Variants in CACNB4 observed in about 807,000 individuals in gnomAD.
The protein encoded by CACNB4 is calcium voltage-gated channel auxiliary subunit beta 4.
In CACNB4, 32 loss-of-function variants were observed where a neutral mutation model predicts 71.2. That is an observed-to-expected ratio of 0.45 (90% CI 0.34 to 0.60). CACNB4 has a LOEUF of 0.60. Among genes scored for constraint, CACNB4 ranks in the 20% least tolerant of loss-of-function variants. The pLI is 0.01. For missense variants in CACNB4, 464 were observed against 647.9 expected, an observed-to-expected ratio of 0.72 and a Z score of 3.08; for synonymous variants, 231 against 236.9, an observed-to-expected ratio of 0.97 and a Z score of 0.23.
At chr2:152,077,477 C>T (rs942818618) in intron 2 of CACNB4, among the ~76,000 whole-genome samples, 4 of 152,090 alleles carry the variant, frequency 2.6e-5, no homozygotes, top group African/African-American at 4.8e-5. Context: ...CACTTGAACC[C>T]GGGAGGCAGA....
rs549068715 is a variant in CACNB4 at position 151,992,075 on chromosome 2, C to T, written c.147+106255G>A. On this transcript the variant is annotated intron_variant, in intron 2 of 13. Transcript: ENST00000539935. The stretch of plus-strand genomic sequence containing the variant: ...GCTAGAGTACTTAATCCTCGACCCC[C>T]CTTCACCATTGGTGGAGAGGGCATT... Among the ~76,000 whole-genome samples the T allele has an allele frequency of 7.7e-4, 117 of 152,310 alleles. 1 individual carries two copies. In the South Asian group the frequency reaches 0.016, roughly 21 times the overall value.
rs148708652 is a variant in CACNB4 at position 151,903,476 on chromosome 2, G to A, written c.148-20106C>T. On this transcript the variant is annotated intron_variant, in intron 2 of 13. Transcript: ENST00000539935. ...GGAGGCTGCAGTGAGCCAAGACTGC[G>A]CCACAGCACTCCAGCCTGAGCAGCA... 9.9e-3 allele frequency among the ~76,000 whole-genome samples: 1,512 copies of A among 152,138 alleles called. 31 individuals are homozygous for A. The highest frequency in any genetic ancestry group is 0.034 in the African/African-American group (1,392 of 41,500).
intron 2 of CACNB4, among the ~76,000 whole-genome samples, chr2:151,975,239 G>A (rs1485211958): frequency 6.6e-6 from 1 of 152,232 alleles, no homozygotes; most frequent in Non-Finnish European, 1.5e-5. Flanking sequence ...TCTAGGAAAG[G>A]AGGCCTGTCC....
intron 9 of CACNB4, among the ~76,000 whole-genome samples, chr2:151,862,399 CATT>C (rs1260833870): frequency 5.3e-5 from 8 of 152,178 alleles, no homozygotes; most frequent in Non-Finnish European, 1.2e-4. Flanking sequence ...TTGCCTGTGT[CATT>C]ATGTTTATAT....
intron 5 of CACNB4, among the ~76,000 whole-genome samples, chr2:151,875,977 C>A (rs1395587336): frequency 3.0e-5 from 4 of 133,026 alleles, no homozygotes; most frequent in South Asian, 2.6e-4. Context: ...GGGGGGCTGA[C>A]TCCCCCACCT....
chr2:152,099,127 C>A, upstream of CACNB4: 1 of 603,886 alleles, frequency 1.7e-6, no homozygotes, highest in South Asian at 2.5e-5. Flanking sequence ...GCTCCAGGAC[C>A]CGCGCCGGCG....
rs138362911 is a variant in CACNB4, at chr2:152,057,785, T to C, written c.147+40545A>G. On this transcript the variant is annotated intron_variant, in intron 2 of 13. Transcript: ENST00000539935. ...AATGAGGTACACTGACAAAGTCCCA[T>C]TCTTCTCTCTAGTCTCTGCCTATGG... 8.6e-4 allele frequency among the ~76,000 whole-genome samples: 131 copies of C among 152,258 alleles called. 1 individual carries two copies. Among genetic ancestry groups the C allele is most frequent in the African/African-American group, 2.9e-3 (120 of 41,536 alleles).
chr2:151,892,403 T>TA (rs1458582486), intron 2 of CACNB4, among the ~76,000 whole-genome samples: 1 of 151,436 alleles, frequency 6.6e-6, no homozygotes, highest in Non-Finnish European at 1.5e-5. Flanking sequence ...TTCTGTCACA[T>TA]AAAAAAGAAT....
At chr2:152,080,765 G>C (rs1687320046) in intron 2 of CACNB4, among the ~76,000 whole-genome samples, 1 of 152,134 alleles carries the variant, frequency 6.6e-6, no homozygotes, top group African/African-American at 2.4e-5. Context: ...CTAGTAGGAG[G>C]TGCTTGGGTC....
At chr2:152,019,281 C>T (rs1347665347) in intron 2 of CACNB4, among the ~76,000 whole-genome samples, 1 of 152,172 alleles carries the variant, frequency 6.6e-6, no homozygotes, top group Non-Finnish European at 1.5e-5. Context: ...TTCTGATTAC[C>T]TCTATGCCTC....
intron 2 of CACNB4, among the ~76,000 whole-genome samples, chr2:151,924,310 C>T (rs1407310216): frequency 6.6e-6 from 1 of 151,632 alleles, no homozygotes; most frequent in Non-Finnish European, 1.5e-5. Flanking sequence ...GATCTCCTGA[C>T]CTCGTGATCT....
At position 151,837,506 on chromosome 2, in the gene CACNB4, A is replaced by G. The variant is rs2151309661; in HGVS notation, c.*1613T>C. 1 of 152,102 alleles carries G rather than the reference A, an allele frequency of 6.6e-6. No homozygotes were observed. The highest frequency in any genetic ancestry group is 1.9e-4 in the East Asian group (1 of 5,208). 9.4% of individuals were successfully genotyped at this position (152,102 alleles called of 1,614,324 possible). A position where few individuals can be genotyped will look rare whatever the true frequency, so the allele number is the denominator to read the frequency against. ...AAAAGAAGATACTATAAAATTAATT[A>G]TCATTATTTTCAAAAATAGGCTTCA... On this transcript the variant is annotated 3_prime_UTR_variant, in exon 14 of 14. Transcript: ENST00000539935.
intron 2 of CACNB4, among the ~76,000 whole-genome samples, chr2:151,889,500 G>A (rs1429421399): frequency 1.3e-5 from 2 of 150,726 alleles, no homozygotes; most frequent in African/African-American, 4.9e-5. Flanking sequence ...GCATTAAGTG[G>A]ACTAAGCGAT....
intron 2 of CACNB4, among the ~76,000 whole-genome samples, chr2:151,926,409 G>A (rs2099860281): frequency 1.3e-5 from 2 of 152,158 alleles, no homozygotes; most frequent in Admixed American, 6.5e-5. Context: ...GATTATGGGG[G>A]CAAAAGCCTG....
chr2:152,065,112 G>A lies in CACNB4; in HGVS notation c.147+33218C>T, dbSNP rs559436363. On this transcript the variant is annotated intron_variant, in intron 2 of 13. Coordinates refer to ENST00000539935, the MANE Select transcript of CACNB4 (RefSeq NM_000726.5). ...TGTCCCCCAACCCAAACCCAGAATA[G>A]TTCCAACTTTAAGAGAAGTTAGCAC... Among the ~76,000 whole-genome samples, 4 of 152,266 alleles carry A rather than the reference G, an allele frequency of 2.6e-5. No individual in the cohort carries two copies. In the East Asian group the frequency reaches 7.7e-4, roughly 29 times the overall value.
chr2:151,866,969 A>G (rs1244737437), intron 9 of CACNB4: 1 of 152,232 alleles, frequency 6.6e-6, no homozygotes, highest in Non-Finnish European at 1.5e-5. Flanking sequence ...TTCGAGACAA[A>G]TCTCTGCTGT....
chr2:151,904,538 CTTTTT>C (rs11347936), intron 2 of CACNB4, among the ~76,000 whole-genome samples: 3 of 127,592 alleles, frequency 2.4e-5, no homozygotes, highest in Admixed American at 1.6e-4. Context: ...AGAGATAACT[CTTTTT>C]TTTTTTTTTT....
intron 2 of CACNB4, among the ~76,000 whole-genome samples, chr2:152,012,166 G>A (rs997028219): frequency 3.3e-5 from 5 of 151,710 alleles, no homozygotes; most frequent in African/African-American, 1.2e-4. Flanking sequence ...CCCAGAAGAA[G>A]GCATCATTGT....
At chr2:152,070,895 G>A (rs1399999989) in intron 2 of CACNB4, among the ~76,000 whole-genome samples, 1 of 152,200 alleles carries the variant, frequency 6.6e-6, no homozygotes, top group Non-Finnish European at 1.5e-5. Flanking sequence ...AGCCTCCTGA[G>A]TAGCTGGGAC....
Sources: gnomAD v4.1 joint callset for allele counts (sites outside exome capture counted in the v4.1 genomes callset) on GRCh38, gnomAD v4.1.1 for gene constraint, MANE v1.5 for transcripts, NCBI Gene and HGNC (gene_info 2026-07-23, HGNC 2026-07-21) for gene names.